Variants in PDXK observed in about 807,000 individuals in gnomAD.
The protein encoded by PDXK is epididymis secretory sperm binding protein Li 1a.
In PDXK, 15 loss-of-function variants were observed where a neutral mutation model predicts 43.2. The observed-to-expected ratio is 0.35, with a 90% CI of 0.23 to 0.53. The LOEUF (loss-of-function observed/expected upper bound fraction) is 0.53. Ranked by LOEUF, PDXK falls within the 20% of genes least tolerant of loss-of-function variation. The pLI, the probability that PDXK is intolerant of heterozygous loss-of-function variation, is 0.92. For missense variants in PDXK, 343 were observed against 417.0 expected, an observed-to-expected ratio of 0.82 and a Z score of 1.54; for synonymous variants, 172 against 165.4, an observed-to-expected ratio of 1.04 and a Z score of -0.31.
intron 5 of PDXK, 48 bp from the exon 6 acceptor site, chr21:43,748,947 T>C: frequency 1.7e-6 from 2 of 1,208,376 alleles, no homozygotes; most frequent in Admixed American, 1.8e-5. Context: ...CCTGGCGTGC[T>C]TCCCTCACGG....
rs2083847770 is a variant in PDXK, at chr21:43,756,141, C to T, written c.*78C>T. On this transcript the variant is annotated 3_prime_UTR_variant, in exon 11 of 11. Coordinates refer to ENST00000291565, the MANE Select transcript of PDXK (RefSeq NM_003681.5). ...CCCTGTGAAAACATGTAACGTCTGC[C>T]TTAGAGCCATGACCGAAACTTGATA... 1.2e-6 allele frequency: 1 copy of T among 808,522 alleles called. No homozygotes were observed. The highest frequency in any genetic ancestry group is 2.0e-6 in the Non-Finnish European group (1 of 488,544). The allele number at this position is 808,522 out of a possible 1,614,324, so 50.1% of individuals were successfully genotyped here.
intron 2 of PDXK, chr21:43,738,429 C>T (rs1326323635): frequency 1.3e-5 from 2 of 152,234 alleles, no homozygotes; most frequent in African/African-American, 4.8e-5. Context: ...CTGTATTAGT[C>T]CGTTCTCACA....
chr21:43,741,923 C>G, intron 3 of PDXK, 152 bp downstream of exon 3: 2 of 651,952 alleles, frequency 3.1e-6, no homozygotes, highest in Non-Finnish European at 5.5e-6. Flanking sequence ...CCATCACACC[C>G]CCGGTAGCCT....
intron 2 of PDXK, among the ~76,000 whole-genome samples, chr21:43,740,657 G>A (rs938979615): frequency 3.3e-5 from 5 of 151,908 alleles, no homozygotes; most frequent in Non-Finnish European, 7.4e-5. Context: ...GCAGGAAGCC[G>A]ACGCGTCTGT....
intron 5 of PDXK, chr21:43,748,554 G>A (rs1203592668): frequency 1.3e-5 from 2 of 158,316 alleles, no homozygotes; most frequent in Non-Finnish European, 2.8e-5. Context: ...CTAGATGAAG[G>A]GTGCATTGAC....
chr21:43,750,940 A>G (rs1453117114), intron 7 of PDXK, among the ~76,000 whole-genome samples: 2 of 139,774 alleles, frequency 1.4e-5, no homozygotes, highest in Middle Eastern at 3.7e-3. Context: ...GTATGTGTGC[A>G]CGTGTTTGCA....
chr21:43,757,437 ACT>A lies in PDXK; in HGVS notation c.*1378_*1379del, dbSNP rs2083868884. On this transcript the variant is annotated 3_prime_UTR_variant, in exon 11 of 11. Transcript: ENST00000291565. The stretch of plus-strand genomic sequence containing the variant: ...GGCCCATGGGGCCCCCAAGAAGCGG[ACT>A]CTCCAAGGGGTACCCCCACCCCGCT... 6.6e-6 allele frequency: 1 copy of A among 150,866 alleles called. No individual in the cohort carries two copies. Among genetic ancestry groups the A allele is most frequent in the Non-Finnish European group, 1.5e-5 (1 of 67,760 alleles). 9.3% of individuals were successfully genotyped at this position (150,866 alleles called of 1,614,324 possible). A position where few individuals can be genotyped will look rare whatever the true frequency, so the allele number is the denominator to read the frequency against.
rs1254367382 is a variant in PDXK at position 43,760,215 on chromosome 21, C to T, written c.*4152C>T. 6.6e-6 allele frequency: 1 copy of T among 151,718 alleles called. No homozygotes were observed. The highest frequency in any genetic ancestry group is 1.9e-4 in the East Asian group (1 of 5,136). 9.4% of individuals were successfully genotyped at this position (151,718 alleles called of 1,614,324 possible). On this transcript the variant is annotated 3_prime_UTR_variant, in exon 11 of 11. Transcript: ENST00000291565. ...TTTTTGAGGTGAAGTCTCGCTCTGA[C>T]ACCCAGGCTGGCGTGCAGTGGTGTG... is the stretch of plus-strand genomic sequence containing the variant.
At chr21:43,755,859 C>G in intron 10 of PDXK, 92 bp from the exon 11 acceptor site, 1 of 1,440,442 alleles carries the variant, frequency 6.9e-7, no homozygotes, top group Non-Finnish European at 9.8e-7. Context: ...AAGGTGTGAT[C>G]GGTGTCTCCT....
chr21:43,720,586 GCTGCAGGCAGACCCTGC>G (rs2083198941), intron 1 of PDXK, among the ~76,000 whole-genome samples: 1 of 152,220 alleles, frequency 6.6e-6, no homozygotes. Flanking sequence ...GTTCCATCCA[GCTGCAGGCAGACCCTGC>G]CTGGGACAGT....
intron 1 of PDXK, among the ~76,000 whole-genome samples, chr21:43,724,832 C>T (rs568224804): frequency 6.7e-6 from 1 of 148,586 alleles, no homozygotes; most frequent in Non-Finnish European, 1.5e-5. Flanking sequence ...CAGAGTGAGA[C>T]CCTGTCTCAA....
Position 43,737,970 on chromosome 21 carries a change from C to A in PDXK, c.143-3697C>A, listed in dbSNP as rs533051038. ...GCCACCAAGAGGTGCAAGACCATGC[C>A]CTCTGTTTCGATAGGAAGCTGGGCC... On this transcript the variant is annotated intron_variant, in intron 2 of 10. Transcript: ENST00000291565. The surrounding 1 kb of genome is among the most constrained non-coding windows in gnomAD (Gnocchi z 4.8). 2.7e-5 allele frequency: 27 copies of A among 985,498 alleles called. No individual in the cohort carries two copies. In the South Asian group the frequency reaches 1.3e-3, roughly 46 times the overall value. 61.0% of individuals were successfully genotyped at this position (985,498 alleles called of 1,614,324 possible). A position where few individuals can be genotyped will look rare whatever the true frequency, so the allele number is the denominator to read the frequency against.
chr21:43,738,199 C>T (rs766971692), intron 2 of PDXK: 11 of 224,582 alleles, frequency 4.9e-5, no homozygotes, highest in Non-Finnish European at 7.4e-5. Flanking sequence ...TCTGGGTGGG[C>T]CCTGATCCAA....
chr21:43,726,544 G>A (rs557844839), intron 1 of PDXK, among the ~76,000 whole-genome samples: 16 of 152,074 alleles, frequency 1.1e-4, no homozygotes, highest in Non-Finnish European at 1.3e-4. Flanking sequence ...CCAAAGTGCT[G>A]GGATTACGGC....
rs754816316 is a variant in PDXK, at chr21:43,754,018, G to T, written c.759+299G>T. Among the ~76,000 whole-genome samples, 5 of 152,240 alleles carry T rather than the reference G, an allele frequency of 3.3e-5. No homozygotes were observed. Among genetic ancestry groups the T allele is most frequent in the Non-Finnish European group, 7.3e-5 (5 of 68,036 alleles). ...TCCCACCAGGATTCAGATGCCACCC[G>T]CTTGGCGTTGGCGCAGGGCTGTGGG... On this transcript the variant is annotated intron_variant, in intron 9 of 10. Coordinates refer to ENST00000291565, the MANE Select transcript of PDXK (RefSeq NM_003681.5). This position sits in a 1 kb window ranked among gnomAD's most constrained non-coding sequence, Gnocchi z 5.5.
rs187737738 is a variant in PDXK, at chr21:43,735,118, C to T, written c.142+995C>T. 1.3e-5 allele frequency among the ~76,000 whole-genome samples: 2 copies of T among 152,350 alleles called. No individual in the cohort carries two copies. Among genetic ancestry groups the T allele is most frequent in the East Asian group, 1.9e-4 (1 of 5,190 alleles). On this transcript the variant is annotated intron_variant, in intron 2 of 10. Coordinates refer to ENST00000291565, the MANE Select transcript of PDXK (RefSeq NM_003681.5). This position sits in a 1 kb window ranked among gnomAD's most constrained non-coding sequence, Gnocchi z 5.3. The stretch of plus-strand genomic sequence containing the variant: ...GTGCAGATGGACAAGCTCCAGCTCT[C>T]GCTGAAACCCTTTCCTGCCTTTGCT...
At chr21:43,726,360 C>G (rs1320949393) in intron 1 of PDXK, among the ~76,000 whole-genome samples, 1 of 148,834 alleles carries the variant, frequency 6.7e-6, no homozygotes, top group Non-Finnish European at 1.5e-5. Flanking sequence ...GCAGCCTCCT[C>G]CTCCTCCCAG....
intron 7 of PDXK, 49 bp from the exon 8 acceptor site, chr21:43,752,469 T>G: frequency 7.8e-7 from 1 of 1,283,240 alleles, no homozygotes; most frequent in Non-Finnish European, 1.1e-6. Context: ...TGACCAGCCG[T>G]GGCTGACATG....
chr21:43,729,904 G>A (rs568484983), intron 1 of PDXK, among the ~76,000 whole-genome samples: 6 of 152,020 alleles, frequency 3.9e-5, no homozygotes, highest in Non-Finnish European at 4.4e-5. Context: ...AGATTGTGCC[G>A]CTGGACTCCA....
Sources: allele counts gnomAD v4.1 joint callset (sites outside exome capture counted in the v4.1 genomes callset), GRCh38; gene constraint gnomAD v4.1.1; non-coding constraint Gnocchi (gnomAD v3.1); transcripts MANE v1.5; gene names NCBI Gene and HGNC (gene_info 2026-07-23, HGNC 2026-07-21).